CSTF3: variants seen among roughly 807,000 people sequenced by gnomAD.
The protein encoded by CSTF3 is CF-1 77 kDa subunit.
CSTF3 carries 29 observed loss-of-function variants against 105.8 expected under a neutral mutation model. The observed-to-expected ratio is 0.27, with a 90% CI of 0.20 to 0.37. The LOEUF (loss-of-function observed/expected upper bound fraction) is 0.37. Among genes scored for constraint, CSTF3 ranks in the 10% least tolerant of loss-of-function variants. CSTF3 has a pLI of 1.00. For missense variants in CSTF3, 357 were observed against 879.3 expected, an observed-to-expected ratio of 0.41 and a Z score of 7.51; for synonymous variants, 252 against 281.9, an observed-to-expected ratio of 0.89 and a Z score of 1.06.
At chr11:33,085,668 C>A in intron 20 of CSTF3, 45 bp downstream of exon 20, 1 of 1,505,440 alleles carries the variant, frequency 6.6e-7, no homozygotes, top group South Asian at 1.1e-5. Context: ...GCCTATGAGA[C>A]AACAACGTGG....
chr11:33,089,482 T>C (rs1486112807), intron 17 of CSTF3, among the ~76,000 whole-genome samples: 1 of 152,170 alleles, frequency 6.6e-6, no homozygotes, highest in Non-Finnish European at 1.5e-5. Context: ...TCAAAGTTTC[T>C]AAGAACCTAT....
Position 33,099,645 on chromosome 11 carries a change from T to C in CSTF3, c.899A>G (p.Tyr300Cys). The change falls in exon 11 of 21, where the codon TAT (tyrosine) becomes TGT (cysteine). Residue 300 changes from tyrosine to cysteine, a missense_variant. By Grantham distance (194) the Tyr-to-Cys change is radical. Around this residue, in one of 4 missense-constraint regions of CSTF3, gnomAD observed 206 missense variants for 576.5 expected, o/e 0.36. Coordinates refer to ENST00000323959, the MANE Select transcript of CSTF3 (RefSeq NM_001326.3). The surrounding 1 kb of genome is among the most constrained non-coding windows in gnomAD (Gnocchi z 4.1). Reference protein sequence around the residue: ...HPDIWYEAAQYLEQSSKLLAE... With the variant: ...HPDIWYEAAQCLEQSSKLLAE... ...GAGCAGTTTACTTGACTGCTCAAGA[T>C]ACTGGGCAGCTTCATACCAAATATC... 6.2e-7 allele frequency: 1 copy of C among 1,612,122 alleles called. No individual in the cohort carries two copies. The highest frequency in any genetic ancestry group is 8.5e-7 in the Non-Finnish European group (1 of 1,179,206).
At chr11:33,113,894 T>TA (rs920918883) in intron 3 of CSTF3, among the ~76,000 whole-genome samples, 84 of 147,736 alleles carry the variant, frequency 5.7e-4, no homozygotes, top group African/African-American at 1.5e-3. Flanking sequence ...CATCTCTGTT[T>TA]AAAAAAAAAA....
intron 3 of CSTF3, among the ~76,000 whole-genome samples, chr11:33,127,976 C>CA (rs1418576594): frequency 6.6e-6 from 1 of 152,110 alleles, no homozygotes; most frequent in Non-Finnish European, 1.5e-5. Flanking sequence ...GAAAACTTTC[C>CA]ATTTTTTCAT....
At chr11:33,105,533 G>T in intron 8 of CSTF3, 34 bp downstream of exon 8, 1 of 1,571,304 alleles carries the variant, frequency 6.4e-7, no homozygotes, top group Admixed American at 1.9e-5. Context: ...AAATGGCTTG[G>T]TTTATAATAA....
chr11:33,148,384 C>A (rs978707747), intron 1 of CSTF3, among the ~76,000 whole-genome samples: 1 of 152,294 alleles, frequency 6.6e-6, no homozygotes, highest in South Asian at 2.1e-4. Flanking sequence ...GTAATTCTAA[C>A]GTATAGCAGT....
chr11:33,136,707 G>C (rs1157754059), intron 3 of CSTF3, among the ~76,000 whole-genome samples: 1 of 151,878 alleles, frequency 6.6e-6, no homozygotes, highest in Admixed American at 6.6e-5. Context: ...TCCAAATATG[G>C]AGGTTTCTAG....
At chr11:33,139,149 T>C (rs1241285484) in intron 3 of CSTF3, among the ~76,000 whole-genome samples, 2 of 151,948 alleles carry the variant, frequency 1.3e-5, no homozygotes, top group African/African-American at 4.8e-5. Flanking sequence ...AAAAGTTTAA[T>C]ACTTTTTTCC....
chr11:33,133,309 TAGAAG>T (rs1332787343), intron 3 of CSTF3, among the ~76,000 whole-genome samples: 2 of 152,224 alleles, frequency 1.3e-5, no homozygotes, highest in African/African-American at 2.4e-5. Context: ...GGACAGTTGT[TAGAAG>T]AGAATACAAT....
intron 3 of CSTF3, among the ~76,000 whole-genome samples, chr11:33,130,993 G>A (rs953776489): frequency 2.6e-5 from 4 of 151,612 alleles, no homozygotes; most frequent in African/African-American, 9.7e-5. Flanking sequence ...TTACATTACT[G>A]CATTCCAGCC....
At chr11:33,105,797 A>G in intron 7 of CSTF3, 86 bp downstream of exon 7, 1 of 1,514,578 alleles carries the variant, frequency 6.6e-7, no homozygotes. Context: ...TCTATGGAAA[A>G]TAGTATGGAG....
Position 33,084,909 on chromosome 11 carries a change from GTATTC to G in CSTF3, c.*173_*177del. 1 of 700,318 alleles carries G rather than the reference GTATTC, an allele frequency of 1.4e-6. No individual in the cohort carries two copies. The highest frequency in any genetic ancestry group is 2.4e-6 in the Non-Finnish European group (1 of 412,872). 43.4% of individuals were successfully genotyped at this position (700,318 alleles called of 1,614,324 possible). A position where few individuals can be genotyped will look rare whatever the true frequency, so the allele number is the denominator to read the frequency against. On this transcript the variant is annotated 3_prime_UTR_variant, in exon 21 of 21. Coordinates refer to ENST00000323959, the MANE Select transcript of CSTF3 (RefSeq NM_001326.3). ...TTTGCTTAGAGCATAGGTCTGTTCCGTATTCTAAAATTCACACAGGTTGGTTTGTT... is the reference window on the plus strand; with the variant it reads ...TTTGCTTAGAGCATAGGTCTGTTCCGTAAAATTCACACAGGTTGGTTTGTT...
rs542164672 is a variant in CSTF3 at position 33,087,201 on chromosome 11, T to C, written c.1642-60A>G. The C allele has an allele frequency of 6.4e-6, 10 of 1,555,658 alleles. No homozygotes were observed. The South Asian group carries it at 9.1e-5, about 14-fold the overall frequency. On this transcript the variant is annotated intron_variant, in intron 17 of 20. Transcript: ENST00000323959. ...AAAAGGGACTACTAGAGAATAATCA[T>C]GCAATAACCTTGAGGATACAGTGTG... is the stretch of plus-strand genomic sequence containing the variant.
At chr11:33,154,375 T>C (rs891389627) in intron 1 of CSTF3, among the ~76,000 whole-genome samples, 2 of 152,194 alleles carry the variant, frequency 1.3e-5, no homozygotes, top group Admixed American at 1.3e-4. Context: ...AGTGAATTTT[T>C]TGCTAAAATA....
At position 33,099,135 on chromosome 11, in the gene CSTF3, T is replaced by C; in HGVS notation, c.952A>G (p.Lys318Glu). The C allele has an allele frequency of 6.3e-7, 1 of 1,579,888 alleles. No homozygotes were observed. The highest frequency in any genetic ancestry group is 8.5e-7 in the Non-Finnish European group (1 of 1,172,944). Reference sequence around the variant, plus strand: ...TTAGCAGCTTCATCACTAAATAATTTGGCATTATTCATATCCTGGTAGAAA... The same window carrying C: ...TTAGCAGCTTCATCACTAAATAATTCGGCATTATTCATATCCTGGTAGAAA... ...LAEKGDMNNA[K>E]LFSDEAANIY... The change falls in exon 12 of 21, where the codon AAA (lysine) becomes GAA (glutamate). Residue 318 changes from lysine (K) to glutamate (E), a missense_variant. Physicochemically the swap from Lys to Glu is moderately conservative, Grantham distance 56 (BLOSUM62 1). Coordinates refer to ENST00000323959, the MANE Select transcript of CSTF3 (RefSeq NM_001326.3). This position sits in a 1 kb window ranked among gnomAD's most constrained non-coding sequence, Gnocchi z 4.1.
chr11:33,137,935 G>A (rs1855671860), intron 3 of CSTF3, among the ~76,000 whole-genome samples: 1 of 151,692 alleles, frequency 6.6e-6, no homozygotes, highest in Admixed American at 6.6e-5. Flanking sequence ...ATCAACAGTG[G>A]AAAAGTTTAT....
At chr11:33,133,118 A>G (rs1258142363) in intron 3 of CSTF3, among the ~76,000 whole-genome samples, 3 of 152,190 alleles carry the variant, frequency 2.0e-5, no homozygotes, top group Non-Finnish European at 2.9e-5. Flanking sequence ...AGCTTCTTAA[A>G]TGAAAAAAAT....
intron 1 of CSTF3, among the ~76,000 whole-genome samples, chr11:33,152,586 C>G (rs1849802217): frequency 6.6e-6 from 1 of 152,184 alleles, no homozygotes; most frequent in Admixed American, 6.5e-5. Context: ...ATAGAACTTA[C>G]AATCTTGGCT....
intron 3 of CSTF3, among the ~76,000 whole-genome samples, chr11:33,109,084 T>G (rs2133779463): frequency 2.0e-5 from 3 of 152,318 alleles, no homozygotes; most frequent in Admixed American, 2.0e-4. Flanking sequence ...GGGAAAAAGA[T>G]AACTTTTTCT....
Sources: gnomAD v4.1 joint callset for allele counts (sites outside exome capture counted in the v4.1 genomes callset) on GRCh38, gnomAD v4.1.1 for gene constraint, gnomAD v4.1.1 regional missense constraint, Gnocchi (gnomAD v3.1) non-coding constraint, MANE v1.5 for transcripts, NCBI Gene and HGNC (gene_info 2026-07-23, HGNC 2026-07-21) for gene names.